Variants in AGBL1 observed in about 807,000 individuals in gnomAD.
AGBL1 encodes cytosolic carboxypeptidase 4.
In AGBL1, 130 loss-of-function variants were observed where a neutral mutation model predicts 118.9. The ratio of observed to expected loss-of-function variants is 1.09; its 90% CI spans 0.95 to 1.26. The LOEUF (loss-of-function observed/expected upper bound fraction) is 1.26, where lower values mean the gene tolerates loss of function less well. Ranked by LOEUF, AGBL1 falls within the 50% of genes most tolerant of loss-of-function variation. The probability of loss-of-function intolerance (pLI) is 0.00; values close to 1 mark genes in which losing one functional copy is unlikely to be tolerated. For synonymous variants in AGBL1, 555 were observed against 478.9 expected (o/e 1.16, Z -2.08); for missense variants, 1,584 against 1,298.1 (o/e 1.22, Z -3.38).
intron 24 of AGBL1, among the ~76,000 whole-genome samples, chr15:87,016,651 T>C (rs1188595670): frequency 1.3e-5 from 2 of 152,092 alleles, no homozygotes; most frequent in Non-Finnish European, 2.9e-5. Flanking sequence ...GATTCTCACA[T>C]TGGGATTGAC....
At chr15:86,081,289 C>A (rs1382717855) in intron 1 of AGBL1, among the ~76,000 whole-genome samples, 1 of 152,170 alleles carries the variant, frequency 6.6e-6, no homozygotes, top group East Asian at 1.9e-4. Context: ...AGGTAATCCA[C>A]CTCGGCCTCC....
chr15:87,002,583 C>T (rs984892607), intron 24 of AGBL1, among the ~76,000 whole-genome samples: 6 of 151,910 alleles, frequency 3.9e-5, no homozygotes, highest in African/African-American at 1.5e-4. Context: ...TGGCCATTTT[C>T]ACGATATTGA....
At position 86,984,365 on chromosome 15, in the gene AGBL1, T is replaced by C. The variant is rs1321238324; in HGVS notation, c.3222-3622T>C. 2.9e-3 allele frequency among the ~76,000 whole-genome samples: 231 copies of C among 80,766 alleles called. 3 individuals carry two copies. The highest frequency in any genetic ancestry group is 0.014 in the African/African-American group (221 of 15,494). The allele number at this position is 80,766 out of a possible 152,430, so 53.0% of individuals were successfully genotyped here. On this transcript the variant is annotated intron_variant, in intron 23 of 24. Coordinates refer to the AGBL1 transcript ENST00000441037. ...GATTGTTTTCCATTTTTTTCTCTCT[T>C]TTTTTTTTTTTTTCCTGGAGACAGA... is the stretch of plus-strand genomic sequence containing the variant.
intron 5 of AGBL1, among the ~76,000 whole-genome samples, chr15:86,180,867 C>T (rs1457071129): frequency 6.6e-6 from 1 of 151,984 alleles, no homozygotes; most frequent in Non-Finnish European, 1.5e-5. Context: ...AAGATTTGAA[C>T]AGATATGTCA....
At chr15:86,274,897 C>G (rs1472569756) in intron 15 of AGBL1, among the ~76,000 whole-genome samples, 1 of 152,080 alleles carries the variant, frequency 6.6e-6, no homozygotes, top group Non-Finnish European at 1.5e-5. Context: ...GTTGATCACC[C>G]TGCCCCTCCC....
At chr15:86,651,796 A>G (rs1025956707) in intron 21 of AGBL1, among the ~76,000 whole-genome samples, 1 of 152,172 alleles carries the variant, frequency 6.6e-6, no homozygotes, top group Non-Finnish European at 1.5e-5. Context: ...CACTGAGTTC[A>G]GTTGACTTCC....
intron 18 of AGBL1, among the ~76,000 whole-genome samples, chr15:86,484,362 C>A (rs2082688892): frequency 6.6e-6 from 1 of 152,022 alleles, no homozygotes; most frequent in South Asian, 2.1e-4. Flanking sequence ...TATTTGTGCA[C>A]CAGCAGAGAG....
At chr15:86,170,647 C>G (rs2077400916) in intron 5 of AGBL1, among the ~76,000 whole-genome samples, 1 of 151,850 alleles carries the variant, frequency 6.6e-6, no homozygotes, top group Non-Finnish European at 1.5e-5. Flanking sequence ...GAGTTCGAGA[C>G]CACCCTGGGC....
At chr15:86,623,163 G>A (rs2084838153) in intron 21 of AGBL1, among the ~76,000 whole-genome samples, 1 of 152,216 alleles carries the variant, frequency 6.6e-6, no homozygotes, top group South Asian at 2.1e-4. Context: ...GCGGTATCAG[G>A]TGGGGACCCC....
chr15:86,551,040 A>G (rs536141906), intron 20 of AGBL1, among the ~76,000 whole-genome samples: 1 of 152,210 alleles, frequency 6.6e-6, no homozygotes, highest in South Asian at 2.1e-4. Flanking sequence ...GTGAATAAAA[A>G]TTAAAACTCA....
At chr15:86,964,288 C>A (rs72755676) in intron 23 of AGBL1, among the ~76,000 whole-genome samples, 6,340 of 151,750 alleles carry the variant, frequency 0.042, 164 homozygotes, top group Middle Eastern at 0.071. Context: ...GTGGAGGGTC[C>A]TGCTATGTAT....
At chr15:86,356,041 T>C (rs770123654) in intron 17 of AGBL1, among the ~76,000 whole-genome samples, 1 of 152,168 alleles carries the variant, frequency 6.6e-6, no homozygotes, top group Non-Finnish European at 1.5e-5. Context: ...GCACTCCTTA[T>C]GTAGTCAACA....
intron 18 of AGBL1, among the ~76,000 whole-genome samples, chr15:86,512,176 A>G (rs1054302157): frequency 3.9e-5 from 6 of 151,968 alleles, no homozygotes; most frequent in Non-Finnish European, 8.8e-5. Flanking sequence ...GGAAAAAACC[A>G]TTATAGTAAG....
chr15:86,375,137 T>C (rs1158911116), intron 17 of AGBL1, among the ~76,000 whole-genome samples: 1 of 152,156 alleles, frequency 6.6e-6, no homozygotes, highest in African/African-American at 2.4e-5. Flanking sequence ...AAGATGATAT[T>C]TGGGCATGGG....
At chr15:86,889,045 CT>C (rs953736592) in intron 22 of AGBL1, among the ~76,000 whole-genome samples, 6 of 152,030 alleles carry the variant, frequency 3.9e-5, no homozygotes, top group African/African-American at 1.4e-4. Context: ...TGCATATTAT[CT>C]TTTAACTTTT....
chr15:86,672,609 A>G (rs2142545332), intron 21 of AGBL1, among the ~76,000 whole-genome samples: 2 of 152,226 alleles, frequency 1.3e-5, no homozygotes, highest in Admixed American at 6.5e-5. Context: ...TTCACTTCCA[A>G]TCAAGCCAGC....
At chr15:86,445,666 A>C (rs567917939) in intron 18 of AGBL1, among the ~76,000 whole-genome samples, 3 of 152,304 alleles carry the variant, frequency 2.0e-5, no homozygotes, top group Non-Finnish European at 4.4e-5. Flanking sequence ...AACCTGAAGC[A>C]CAATTCTGTG....
intron 5 of AGBL1, among the ~76,000 whole-genome samples, chr15:86,203,694 G>T (rs1413762874): frequency 6.6e-6 from 1 of 152,058 alleles, no homozygotes; most frequent in Non-Finnish European, 1.5e-5. Context: ...TCAAAAATTT[G>T]TTGAGGTATT....
chr15:86,640,341 G>A (rs1202009481), intron 21 of AGBL1, among the ~76,000 whole-genome samples: 4 of 152,124 alleles, frequency 2.6e-5, no homozygotes, highest in Non-Finnish European at 5.9e-5. Flanking sequence ...TTTCTGATTG[G>A]AAGAGCAATC....
Sources: gnomAD v4.1 joint callset for allele counts (sites outside exome capture counted in the v4.1 genomes callset) on GRCh38, gnomAD v4.1.1 for gene constraint, MANE v1.5 for transcripts, NCBI Gene and HGNC (gene_info 2026-07-23, HGNC 2026-07-21) for gene names.